Variants in RSU1 observed in about 807,000 individuals in gnomAD.
RSU1 encodes the protein rsu-1.
In RSU1, 26 loss-of-function variants were observed where a neutral mutation model predicts 31.1. That is an observed-to-expected ratio of 0.84 (90% CI 0.61 to 1.16). The LOEUF (loss-of-function observed/expected upper bound fraction) is 1.16. Among genes scored for constraint, RSU1 ranks in the 50% most tolerant of loss-of-function variants. The pLI is 0.00. For missense variants in RSU1, 320 were observed against 339.1 expected (o/e 0.94, Z 0.44); for synonymous variants, 164 against 136.3 (o/e 1.20, Z -1.41).
chr10:16,702,736 C>A (rs1223173111), intron 7 of RSU1, among the ~76,000 whole-genome samples: 1 of 152,162 alleles, frequency 6.6e-6, no homozygotes, highest in Non-Finnish European at 1.5e-5. Context: ...CCAGCCTTGT[C>A]TGAGGTGAGA....
chr10:16,788,476 C>A (rs371988536), intron 2 of RSU1, among the ~76,000 whole-genome samples: 1 of 152,140 alleles, frequency 6.6e-6, no homozygotes, highest in East Asian at 1.9e-4. Context: ...TCTCTTTCTC[C>A]ACTGGGTGAG....
At chr10:16,692,912 G>A (rs1407611255) in intron 8 of RSU1, among the ~76,000 whole-genome samples, 2 of 152,048 alleles carry the variant, frequency 1.3e-5, no homozygotes, top group African/African-American at 2.4e-5. Flanking sequence ...TTATATAGGA[G>A]GATACGGTAT....
intron 3 of RSU1, among the ~76,000 whole-genome samples, chr10:16,765,795 C>A (rs1366793089): frequency 6.6e-6 from 1 of 152,164 alleles, no homozygotes; most frequent in African/African-American, 2.4e-5. Context: ...ACTTCCCATC[C>A]CATCTGCTTC....
intron 8 of RSU1, among the ~76,000 whole-genome samples, chr10:16,692,866 T>C (rs1470533099): frequency 6.6e-6 from 1 of 152,230 alleles, no homozygotes; most frequent in East Asian, 1.9e-4. Flanking sequence ...GTCATAGTAT[T>C]GTCTAAAGTA....
intron 8 of RSU1, among the ~76,000 whole-genome samples, chr10:16,610,558 C>A (rs1343017338): frequency 6.6e-6 from 1 of 152,106 alleles, no homozygotes; most frequent in Non-Finnish European, 1.5e-5. Context: ...CTAGGTTGCA[C>A]GCTCCTTATG....
intron 8 of RSU1, among the ~76,000 whole-genome samples, chr10:16,678,142 C>T (rs1835266818): frequency 6.6e-6 from 1 of 152,164 alleles, no homozygotes. Context: ...CACTTAAAGT[C>T]TTAGGTGGGA....
At chr10:16,777,753 A>G (rs949784073) in intron 3 of RSU1, among the ~76,000 whole-genome samples, 2 of 152,206 alleles carry the variant, frequency 1.3e-5, no homozygotes, top group African/African-American at 4.8e-5. Flanking sequence ...TGGATTAAGG[A>G]GCAGACTAAA....
intron 2 of RSU1, among the ~76,000 whole-genome samples, chr10:16,811,388 C>T (rs530645851): frequency 3.3e-4 from 51 of 152,246 alleles, no homozygotes; most frequent in African/African-American, 1.1e-3. Context: ...CATCAGGTAC[C>T]GGGTGGTACA....
intron 7 of RSU1, among the ~76,000 whole-genome samples, chr10:16,718,524 C>T (rs1836190107): frequency 6.6e-6 from 1 of 152,070 alleles, no homozygotes; most frequent in Non-Finnish European, 1.5e-5. Flanking sequence ...CAAATGGTGT[C>T]CTCTAATCTA....
intron 8 of RSU1, among the ~76,000 whole-genome samples, chr10:16,650,966 CG>C (rs1834675581): frequency 6.6e-6 from 1 of 152,022 alleles, no homozygotes; most frequent in African/African-American, 2.4e-5. Flanking sequence ...ATATTTATAA[CG>C]GATGCACACA....
intron 8 of RSU1, among the ~76,000 whole-genome samples, chr10:16,603,039 GT>G (rs201872520): frequency 1.3e-5 from 2 of 151,340 alleles, no homozygotes; most frequent in East Asian, 3.9e-4. Context: ...AAAAGGAAAT[GT>G]TTTTTTTTCT....
chr10:16,716,123 C>T (rs1836134757), intron 7 of RSU1, among the ~76,000 whole-genome samples: 1 of 152,114 alleles, frequency 6.6e-6, no homozygotes. Flanking sequence ...TGAAAATCAT[C>T]ACACAGAGAT....
intron 3 of RSU1, among the ~76,000 whole-genome samples, chr10:16,770,107 G>C (rs1209568907): frequency 6.6e-6 from 1 of 152,122 alleles, no homozygotes; most frequent in East Asian, 1.9e-4. Context: ...AGGATGCTGG[G>C]TGGTAGTGAC....
intron 8 of RSU1, among the ~76,000 whole-genome samples, chr10:16,684,392 T>TA (rs998183453): frequency 9.9e-5 from 15 of 152,136 alleles, no homozygotes; most frequent in African/African-American, 3.6e-4. Flanking sequence ...TTTGGCAAGA[T>TA]AAAAAAACCA....
intron 7 of RSU1, among the ~76,000 whole-genome samples, chr10:16,730,916 T>C (rs961641893): frequency 1.3e-5 from 2 of 152,056 alleles, no homozygotes; most frequent in African/African-American, 4.8e-5. Context: ...CTCCGTCTCC[T>C]GGGTTCAAGC....
intron 8 of RSU1, among the ~76,000 whole-genome samples, chr10:16,629,651 T>C (rs1196773410): frequency 6.6e-6 from 1 of 152,232 alleles, no homozygotes; most frequent in Non-Finnish European, 1.5e-5. Flanking sequence ...TCAGGGACTG[T>C]AAAGCAGTTT....
At chr10:16,812,893 T>C (rs532310611) in intron 2 of RSU1, among the ~76,000 whole-genome samples, 7 of 152,154 alleles carry the variant, frequency 4.6e-5, no homozygotes, top group Non-Finnish European at 5.9e-5. Flanking sequence ...ATCAACCAGA[T>C]GAAGACAGCT....
chr10:16,661,283 A>AGT (rs986199179), intron 8 of RSU1, among the ~76,000 whole-genome samples: 6 of 115,926 alleles, frequency 5.2e-5, no homozygotes, highest in African/African-American at 1.9e-4. Context: ...ATATGTAGAG[A>AGT]GTGCGTGTGT....
At chr10:16,647,081 G>A (rs978383075) in intron 8 of RSU1, among the ~76,000 whole-genome samples, 4 of 151,864 alleles carry the variant, frequency 2.6e-5, no homozygotes, top group East Asian at 1.9e-4. Flanking sequence ...AGGTTCAAGC[G>A]ATTCTCCTGC....
Sources: allele counts gnomAD v4.1 joint callset (sites outside exome capture counted in the v4.1 genomes callset), GRCh38; gene constraint gnomAD v4.1.1; transcripts MANE v1.5; gene names NCBI Gene and HGNC (gene_info 2026-07-23, HGNC 2026-07-21).